Variants in SAXO4 observed in about 807,000 individuals in gnomAD.
SAXO4 encodes protein phosphatase 1 regulatory subunit 32.
At chr11:61,484,717 G>A in the SAXO4 span, 12 of 1,613,654 alleles carry the variant, frequency 7.4e-6, no homozygotes, top group African/African-American at 1.3e-5. Flanking sequence ...ACACCCAGGA[G>A]CACGGGCCTC....
At chr11:61,489,750 G>A in the SAXO4 span, 1 of 1,612,792 alleles carries the variant, frequency 6.2e-7, no homozygotes, top group Non-Finnish European at 8.5e-7. Flanking sequence ...GCAGAGTCCA[G>A]CTTCCAGCCA....
the SAXO4 span, among the ~76,000 whole-genome samples, chr11:61,483,170 T>C: frequency 3.5e-4 from 50 of 141,750 alleles, no homozygotes; most frequent in Admixed American, 8.3e-4. Context: ...TTTTCTTTTT[T>C]TTTTTTTTTT....
the SAXO4 span, chr11:61,490,662 C>A: frequency 1.5e-6 from 2 of 1,350,532 alleles, no homozygotes; most frequent in Non-Finnish European, 2.1e-6. Flanking sequence ...GCCTCTCAAG[C>A]CCTGGGTTAA....
chr11:61,486,631 G>C, the SAXO4 span: 4 of 1,607,854 alleles, frequency 2.5e-6, no homozygotes, highest in South Asian at 3.3e-5. Flanking sequence ...TTGGCGTCTT[G>C]CTCAGAGAAG....
chr11:61,490,739 C>T, the SAXO4 span: 2 of 659,702 alleles, frequency 3.0e-6, no homozygotes, highest in Non-Finnish European at 5.3e-6. Flanking sequence ...CTCAGAACCC[C>T]TTCTCTGCCA....
chr11:61,490,596 G>A, the SAXO4 span: 1 of 1,604,338 alleles, frequency 6.2e-7, no homozygotes, highest in South Asian at 1.1e-5. Flanking sequence ...TAAGGGGCTG[G>A]GGATCCCCAC....
At chr11:61,485,447 A>C in the SAXO4 span, 1 of 1,546,372 alleles carries the variant, frequency 6.5e-7, no homozygotes, top group Non-Finnish European at 8.9e-7. Flanking sequence ...CTTCCAATCC[A>C]CCTCCCTACT....
the SAXO4 span, chr11:61,489,606 C>T: frequency 1.4e-5 from 9 of 653,114 alleles, no homozygotes; most frequent in Admixed American, 5.1e-5. Flanking sequence ...GAGGGGAGGG[C>T]AGGCTTTTTG....
chr11:61,485,668 C>G, the SAXO4 span: 1 of 732,948 alleles, frequency 1.4e-6, no homozygotes, highest in Admixed American at 2.5e-5. Flanking sequence ...CCCTGCCACC[C>G]ACGATCCTCA....
chr11:61,489,690 TG>T, the SAXO4 span: 3 of 1,360,448 alleles, frequency 2.2e-6, no homozygotes, highest in Non-Finnish European at 3.1e-6. Context: ...GTGGGGAGGC[TG>T]GGCGATCTGA....
At chr11:61,485,497 A>C in the SAXO4 span, 1 of 1,111,480 alleles carries the variant, frequency 9.0e-7, no homozygotes, top group Non-Finnish European at 1.3e-6. Context: ...AGGACTGAGA[A>C]GGCACCAGTG....
the SAXO4 span, chr11:61,489,391 G>A: frequency 2.1e-6 from 1 of 471,454 alleles, no homozygotes; most frequent in African/African-American, 1.9e-5. Flanking sequence ...TCAAGGGTGG[G>A]ACCCCCTTCT....
the SAXO4 span, chr11:61,486,646 A>G: frequency 2.5e-6 from 4 of 1,591,754 alleles, no homozygotes; most frequent in African/African-American, 1.3e-5. Flanking sequence ...GAGAAGGGAG[A>G]AGACAGGGAG....
chr11:61,489,973 T>C, the SAXO4 span: 1 of 1,591,646 alleles, frequency 6.3e-7, no homozygotes, highest in South Asian at 1.1e-5. Context: ...CTCTGTTCTT[T>C]CTCCCTACCC....
chr11:61,486,414 C>G, the SAXO4 span: 1 of 1,614,060 alleles, frequency 6.2e-7, no homozygotes, highest in African/African-American at 1.3e-5. Context: ...GTAAGCTGAG[C>G]TAGGGGGAGG....
At chr11:61,483,588 T>G in the SAXO4 span, among the ~76,000 whole-genome samples, 1 of 152,106 alleles carries the variant, frequency 6.6e-6, no homozygotes, top group African/African-American at 2.4e-5. Context: ...TATTTGAAGA[T>G]GATAAGAGCG....
At chr11:61,482,698 T>C in the SAXO4 span, 1 of 1,614,036 alleles carries the variant, frequency 6.2e-7, no homozygotes. Flanking sequence ...CAGCCAGAGC[T>C]ACCGCCCCCT....
chr11:61,485,292 G>C, the SAXO4 span: 1 of 1,574,062 alleles, frequency 6.4e-7, no homozygotes, highest in Non-Finnish European at 8.7e-7. Context: ...CGCCTTCGGG[G>C]CCCTGGTGGG....
At chr11:61,484,334 C>T in the SAXO4 span, among the ~76,000 whole-genome samples, 1 of 152,092 alleles carries the variant, frequency 6.6e-6, no homozygotes, top group African/African-American at 2.4e-5. Context: ...AGACACTGGA[C>T]AAAAACTTGA....
Sources: allele counts gnomAD v4.1 joint callset (sites outside exome capture counted in the v4.1 genomes callset), GRCh38; gene constraint gnomAD v4.1.1; transcripts MANE v1.5; gene names NCBI Gene and HGNC (gene_info 2026-07-23, HGNC 2026-07-21).